SMYD3: variants seen among roughly 807,000 people sequenced by gnomAD.
SMYD3 encodes SET and MYND domain containing 3, also known as histone-lysine N-methyltransferase SMYD3.
Under a neutral mutation model 57.7 loss-of-function variants are expected in SMYD3, and 36 were observed. The ratio of observed to expected loss-of-function variants is 0.62; its 90% CI spans 0.48 to 0.82. SMYD3 has a LOEUF of 0.82. SMYD3 is among the 40% of genes least tolerant of loss of function. The pLI is 0.00. For missense variants in SMYD3, 515 were observed against 538.8 expected (o/e 0.96, Z 0.44); for synonymous variants, 211 against 195.0 (o/e 1.08, Z -0.68).
intron 1 of SMYD3, among the ~76,000 whole-genome samples, chr1:246,438,102 A>T (rs1334809412): frequency 6.6e-6 from 1 of 152,202 alleles, no homozygotes; most frequent in African/African-American, 2.4e-5. Context: ...ACTGCAGCTC[A>T]TTGATCTTTC....
intron 1 of SMYD3, among the ~76,000 whole-genome samples, chr1:246,410,108 A>G (rs2066939174): frequency 6.6e-6 from 1 of 152,208 alleles, no homozygotes; most frequent in South Asian, 2.1e-4. Flanking sequence ...CAATCATGTC[A>G]TCTGCAAACA....
chr1:246,434,216 C>T (rs1369883150), intron 1 of SMYD3, among the ~76,000 whole-genome samples: 1 of 152,180 alleles, frequency 6.6e-6, no homozygotes, highest in East Asian at 1.9e-4. Flanking sequence ...CCATTCTGGA[C>T]ATCAGCTTTA....
intron 5 of SMYD3, among the ~76,000 whole-genome samples, chr1:246,220,417 G>A (rs895476095): frequency 2.6e-5 from 4 of 151,926 alleles, no homozygotes; most frequent in African/African-American, 9.7e-5. Context: ...CGAAGCAGGT[G>A]GGAGCCCCAC....
chr1:246,244,275 G>T (rs1220863964), intron 5 of SMYD3, among the ~76,000 whole-genome samples: 1 of 151,952 alleles, frequency 6.6e-6, no homozygotes, highest in Non-Finnish European at 1.5e-5. Flanking sequence ...ACCTTTTTGA[G>T]TGACCCCATT....
At chr1:246,069,130 G>A (rs73137858) in intron 5 of SMYD3, among the ~76,000 whole-genome samples, 6,129 of 152,144 alleles carry the variant, frequency 0.04, 142 homozygotes, top group African/African-American at 0.051. Flanking sequence ...AGAGATAACC[G>A]CCCCCAGTCA....
rs146771867 is a variant in SMYD3, at chr1:245,792,068, A to G, written c.1077-27919T>C. On this transcript the variant is annotated intron_variant, in intron 10 of 11. Coordinates refer to ENST00000490107, the MANE Select transcript of SMYD3 (RefSeq NM_001167740.2). The stretch of plus-strand genomic sequence containing the variant: ...CTGGGCTTACTCTCAAATATATATG[A>G]AAGAGTGCTGACTTTGTACCTAGAG... Among the ~76,000 whole-genome samples, 173 of 152,048 alleles carry G rather than the reference A, an allele frequency of 1.1e-3. 3 individuals are homozygous for G. The highest frequency in any genetic ancestry group is 3.8e-3 in the African/African-American group (159 of 41,482).
intron 1 of SMYD3, among the ~76,000 whole-genome samples, chr1:246,416,256 C>T (rs571629024): frequency 2.6e-4 from 40 of 152,216 alleles, no homozygotes; most frequent in African/African-American, 7.0e-4. Flanking sequence ...CTTACCCATG[C>T]GGTGTCACTA....
At chr1:246,417,592 T>A (rs6426299) in intron 1 of SMYD3, among the ~76,000 whole-genome samples, 66,580 of 151,836 alleles carry the variant, frequency 0.44, 15,315 homozygotes, top group Admixed American at 0.54. Context: ...GTATGAGTCA[T>A]GGTCCAGATG....
chr1:246,463,552 T>C (rs1305195116), intron 1 of SMYD3, among the ~76,000 whole-genome samples: 2 of 150,008 alleles, frequency 1.3e-5, no homozygotes, highest in Non-Finnish European at 2.9e-5. Flanking sequence ...GCACGGTGGC[T>C]CACGCCTGTA....
At chr1:246,112,784 T>C (rs533345208) in intron 5 of SMYD3, among the ~76,000 whole-genome samples, 3 of 152,350 alleles carry the variant, frequency 2.0e-5, no homozygotes, top group East Asian at 1.9e-4. Context: ...TGCTGTCTTA[T>C]AGAACAGAAA....
At chr1:246,286,751 A>G (rs533885780) in intron 5 of SMYD3, among the ~76,000 whole-genome samples, 3 of 152,278 alleles carry the variant, frequency 2.0e-5, no homozygotes, top group African/African-American at 7.2e-5. Context: ...CAAATATTTG[A>G]TAATCAGACT....
chr1:246,053,837 C>G (rs994597279), intron 5 of SMYD3, among the ~76,000 whole-genome samples: 1 of 149,912 alleles, frequency 6.7e-6, no homozygotes, highest in African/African-American at 2.4e-5. Flanking sequence ...AAACAGAAAA[C>G]TCCTAGAAAA....
chr1:246,277,857 C>A (rs1374099379), intron 5 of SMYD3, among the ~76,000 whole-genome samples: 2 of 152,174 alleles, frequency 1.3e-5, no homozygotes, highest in Non-Finnish European at 2.9e-5. Flanking sequence ...GTGGTTGCTG[C>A]AGCCAGACGT....
intron 5 of SMYD3, among the ~76,000 whole-genome samples, chr1:246,159,501 T>C (rs951148257): frequency 2.6e-5 from 4 of 151,990 alleles, no homozygotes; most frequent in African/African-American, 4.8e-5. Flanking sequence ...GTCCCACAGA[T>C]ACAGTAAAGC....
intron 10 of SMYD3, among the ~76,000 whole-genome samples, chr1:245,808,678 T>C (rs1387927729): frequency 1.3e-5 from 2 of 152,170 alleles, no homozygotes; most frequent in African/African-American, 4.8e-5. Flanking sequence ...GAGGCTGCAG[T>C]GTGCCTCAGC....
rs914249258 is a variant in SMYD3 at position 245,911,051 on chromosome 1, C to T, written c.813+4479G>A. On this transcript the variant is annotated intron_variant, in intron 8 of 11. Transcript: ENST00000490107. ...GGAACTCAAACTCAATAGCAAAAAA[C>T]AACCCAATTAAGAACAGGCAAAATA... is the stretch of plus-strand genomic sequence containing the variant. 1.1e-4 allele frequency among the ~76,000 whole-genome samples: 16 copies of T among 151,854 alleles called. 1 individual carries two copies. In the East Asian group the frequency reaches 2.5e-3, roughly 24 times the overall value.
At chr1:246,237,578 G>T (rs1271537022) in intron 5 of SMYD3, among the ~76,000 whole-genome samples, 1 of 151,878 alleles carries the variant, frequency 6.6e-6, no homozygotes, top group Non-Finnish European at 1.5e-5. Flanking sequence ...CCCGTTTCTG[G>T]GCTTTAAACA....
chr1:246,186,986 T>C (rs2062650978), intron 5 of SMYD3: 5 of 945,598 alleles, frequency 5.3e-6, no homozygotes, highest in Non-Finnish European at 6.3e-6. Flanking sequence ...AAAGAAGAAA[T>C]GGTCTGCTAC....
chr1:245,753,113 A>C (rs34458044), intron 11 of SMYD3, among the ~76,000 whole-genome samples: 36,949 of 152,074 alleles, frequency 0.24, 5,231 homozygotes, highest in East Asian at 0.57. Flanking sequence ...CACCAGTAGC[A>C]AAGGGGAACA....
Sources: allele counts gnomAD v4.1 joint callset (sites outside exome capture counted in the v4.1 genomes callset), GRCh38; gene constraint gnomAD v4.1.1; transcripts MANE v1.5; gene names NCBI Gene and HGNC (gene_info 2026-07-23, HGNC 2026-07-21).